The following TNC variants were observed in gnomAD, a reference collection of about 807,000 sequenced individuals.
TNC encodes tenascin.
A neutral mutation model predicts 202.4 loss-of-function variants in TNC; 109 were observed. That is an observed-to-expected ratio of 0.54 (90% confidence interval 0.46 to 0.63). The LOEUF is 0.63. TNC is among the 30% of genes least tolerant of loss of function. The probability of loss-of-function intolerance (pLI) is 0.00; values close to 1 mark genes in which losing one functional copy is unlikely to be tolerated. For synonymous variants in TNC, 1,007 were observed against 1,089.7 expected, an observed-to-expected ratio of 0.92 and a Z score of 1.50; for missense variants, 2,756 against 2,833.3, an observed-to-expected ratio of 0.97 and a Z score of 0.62.
At chr9:115,067,616 C>T (rs914364397) in intron 10 of TNC, among the ~76,000 whole-genome samples, 4 of 152,110 alleles carry the variant, frequency 2.6e-5, no homozygotes, top group Non-Finnish European at 4.4e-5. Flanking sequence ...AAAAGATGCA[C>T]GTTGGAAAAT....
At chr9:115,029,035 GAAAAAAAAAAA>G (rs71375266) in intron 25 of TNC, among the ~76,000 whole-genome samples, 23 of 71,214 alleles carry the variant, frequency 3.2e-4, no homozygotes, top group Non-Finnish European at 5.8e-4. Context: ...ATTATCTCTG[GAAAAAAAAAAA>G]AAAAAAAAAG....
intron 26 of TNC, among the ~76,000 whole-genome samples, chr9:115,025,187 A>T (rs919419924): frequency 6.6e-6 from 1 of 152,246 alleles, no homozygotes; most frequent in Admixed American, 6.5e-5. Flanking sequence ...CTGCTGCTTA[A>T]TGAATTTGCT....
In TNC at chr9:115,041,020, A is replaced by G. The variant is rs1224349645; in HGVS notation, c.5313T>C (p.Pro1771=). ...TGATGCTGACAAGGTACTCCACGCCAGGTATGAGTTTCACCAGCCTGGTCT... is the reference window on the plus strand; with the variant it reads ...TGATGCTGACAAGGTACTCCACGCCGGGTATGAGTTTCACCAGCCTGGTCT... ...KTQTRLVKLI[P]GVEYLVSIIA... is the part of the protein sequence containing the mutation. Residue 1771 remains proline (P), a synonymous_variant, in exon 19 of 28, where the codon CCT becomes CCC. Coordinates refer to ENST00000350763, the MANE Select transcript of TNC (RefSeq NM_002160.4). 1.2e-6 allele frequency: 2 copies of G among 1,614,160 alleles called. No individual in the cohort carries two copies. The highest frequency in any genetic ancestry group is 2.2e-5 in the East Asian group (1 of 44,872).
Position 115,041,081 on chromosome 9 carries a change from G to A in TNC, c.5252C>T (p.Thr1751Ile). 3 of 1,612,566 alleles carry A rather than the reference G, an allele frequency of 1.9e-6. No individual in the cohort carries two copies. Among genetic ancestry groups the A allele is most frequent in the East Asian group, 2.2e-5 (1 of 44,850 alleles). Residue 1751 changes from threonine (T) to isoleucine (I), a missense_variant, in exon 19 of 28, where the codon ACA (threonine) becomes ATA (isoleucine). By Grantham distance (89) the Thr-to-Ile change is moderately conservative (BLOSUM62 -1). Around this residue, in one of 2 missense-constraint regions of TNC, gnomAD observed 2,559 missense variants for 2,546.0 expected, o/e 1.01. Transcript: ENST00000350763. Reference protein sequence around the residue: ...RITYVPITGGTPSMVTVDGTK... With the variant: ...RITYVPITGGIPSMVTVDGTK... ...TCCGTCCACAGTTACCATGGAGGGT[G>A]TACCTGGAACACAGTAAAAGCAAGA...
At chr9:115,106,756 T>A (rs115720417) in intron 1 of TNC, among the ~76,000 whole-genome samples, 262 of 152,190 alleles carry the variant, frequency 1.7e-3, no homozygotes, top group African/African-American at 6.0e-3. Context: ...AAACGTGTGG[T>A]TTCCAAGAAA....
chr9:115,111,894 C>T (rs576666921), intron 1 of TNC, among the ~76,000 whole-genome samples: 2 of 152,162 alleles, frequency 1.3e-5, no homozygotes, highest in East Asian at 3.9e-4. Context: ...AATCATCCCC[C>T]AATTCAGCCT....
In TNC at chr9:115,073,702, C is replaced by T. The variant is rs984781050; in HGVS notation, c.3115G>A (p.Val1039Ile). 4 of 1,614,014 alleles carry T rather than the reference C, an allele frequency of 2.5e-6. No individual in the cohort carries two copies. The East Asian group carries it at 8.9e-5, about 36-fold the overall frequency. Residue 1039 changes from valine (V) to isoleucine (I), a missense_variant, in exon 10 of 28, where the codon GTC becomes ATC. Coordinates refer to ENST00000350763, the MANE Select transcript of TNC (RefSeq NM_002160.4). Reference sequence around the variant, plus strand: ...TGTCCTGGTTCCAGGCCTCTCAGGACATAGGAAGTGGTGTTTCTTGGAAGC... The same window carrying T: ...TGTCCTGGTTCCAGGCCTCTCAGGATATAGGAAGTGGTGTTTCTTGGAAGC... ...VQLPRNTTSY[V>I]LRGLEPGQEY... is the part of the protein sequence containing the mutation.
intron 2 of TNC, among the ~76,000 whole-genome samples, chr9:115,090,191 C>T (rs1230324687): frequency 6.6e-6 from 1 of 152,110 alleles, no homozygotes; most frequent in South Asian, 2.1e-4. Flanking sequence ...ACAGCAGTAC[C>T]TATCAGAGAG....
intron 1 of TNC, among the ~76,000 whole-genome samples, chr9:115,110,715 A>G (rs191207024): frequency 6.6e-6 from 1 of 152,224 alleles, no homozygotes; most frequent in Non-Finnish European, 1.5e-5. Context: ...CTTTAGAATA[A>G]AATACATTTG....
intron 22 of TNC, among the ~76,000 whole-genome samples, 182 bp from the exon 23 acceptor site, chr9:115,031,867 A>T (rs1829972543): frequency 6.6e-6 from 1 of 152,164 alleles, no homozygotes; most frequent in South Asian, 2.1e-4. Flanking sequence ...AGAGATGGGG[A>T]GAGTACAGCA....
chr9:115,105,028 A>G (rs1312214779), intron 1 of TNC, among the ~76,000 whole-genome samples: 1 of 152,228 alleles, frequency 6.6e-6, no homozygotes. Flanking sequence ...ATGTGCTAAT[A>G]TTCAAATGAA....
rs927533165 is a variant in TNC, at chr9:115,020,046, CTT to C, written c.*1109_*1110del. ...AAGTTGTAAGCTTTTTTTTTCTTTTCTTTTTTTATTTAGAGACAGGGTCTCCC... is the reference window on the plus strand; with the variant it reads ...AAGTTGTAAGCTTTTTTTTTCTTTTCTTTTTATTTAGAGACAGGGTCTCCC... On this transcript the variant is annotated 3_prime_UTR_variant, in exon 28 of 28. Transcript: ENST00000350763. 1 of 150,470 alleles carries C rather than the reference CTT, an allele frequency of 6.6e-6. No homozygotes were observed. The highest frequency in any genetic ancestry group is 2.4e-5 in the African/African-American group (1 of 40,894). The allele number at this position is 150,470 out of a possible 1,614,324, so 9.3% of individuals were successfully genotyped here.
At chr9:115,047,144 A>C (rs924489991) in intron 16 of TNC, among the ~76,000 whole-genome samples, 1 of 150,852 alleles carries the variant, frequency 6.6e-6, no homozygotes, top group Non-Finnish European at 1.5e-5. Flanking sequence ...TGCTGATTAC[A>C]TTCTCCTTGA....
At chr9:115,051,320 C>CT (rs1831634433) in intron 15 of TNC, among the ~76,000 whole-genome samples, 1 of 152,022 alleles carries the variant, frequency 6.6e-6, no homozygotes, top group Admixed American at 6.6e-5. Flanking sequence ...CCGATCACAT[C>CT]TAAAAAAACC....
In TNC at chr9:115,086,707, C is replaced by G. The variant is rs147397103; in HGVS notation, c.1024G>C (p.Gly342Arg). ...CEEGFTGEDC[G>R]KPTCPHACHT... ...CAGGCATGTGGGCAGGTGGGTTTCC[C>G]GCAGTCTTCACCTGTGAAGCCTTCT... The change falls in exon 3 of 28, where the codon GGG (glycine) becomes CGG (arginine). Residue 342 changes from glycine (G) to arginine (R), a missense_variant. This residue lies in a region of TNC where 2,559 missense variants were observed against 2,546.0 expected (regional missense o/e 1.01). Transcript: ENST00000350763. 1 of 1,613,954 alleles carries G rather than the reference C, an allele frequency of 6.2e-7. No homozygotes were observed. Among genetic ancestry groups the G allele is most frequent in the Non-Finnish European group, 8.5e-7 (1 of 1,180,046 alleles).
At chr9:115,021,352 T>C in intron 27 of TNC, 85 bp from the exon 28 acceptor site, 1 of 884,246 alleles carries the variant, frequency 1.1e-6, no homozygotes, top group Non-Finnish European at 1.8e-6. Context: ...CACTGATCAT[T>C]GCTATTTAGT....
rs774048270 is a variant in TNC, at chr9:115,073,694, T to C, written c.3123A>G (p.Arg1041=). ...LPRNTTSYVL[R]GLEPGQEYNV... ...TGTACTCCTGTCCTGGTTCCAGGCC[T>C]CTCAGGACATAGGAAGTGGTGTTTC... Residue 1041 remains arginine, a synonymous_variant, in exon 10 of 28, where the codon AGA becomes AGG. Transcript: ENST00000350763. The C allele has an allele frequency of 6.8e-6, 11 of 1,614,130 alleles. No individual in the cohort carries two copies. The South Asian group carries it at 1.2e-4, about 18-fold the overall frequency.
Position 115,073,793 on chromosome 9 carries a change from C to A in TNC, c.3024G>T (p.Pro1008=), listed in dbSNP as rs745550405. Residue 1008 remains proline, a synonymous_variant, in exon 10 of 28, where the codon CCG becomes CCT. Coordinates refer to ENST00000350763, the MANE Select transcript of TNC (RefSeq NM_002160.4). The stretch of plus-strand genomic sequence containing the variant: ...GGCGGTAGCGGTCAAATTTGGCCAA[C>A]GGTGTCTTCCAGAGCAGGGTCAGGC... The part of the protein sequence containing the change: ...ETSLTLLWKT[P]LAKFDRYRLN... 1 of 1,614,052 alleles carries A rather than the reference C, an allele frequency of 6.2e-7. No homozygotes were observed. Among genetic ancestry groups the A allele is most frequent in the South Asian group, 1.1e-5 (1 of 91,074 alleles).
intron 1 of TNC, among the ~76,000 whole-genome samples, chr9:115,093,145 A>G (rs1025401892): frequency 1.3e-5 from 2 of 152,300 alleles, no homozygotes; most frequent in African/African-American, 4.8e-5. Flanking sequence ...TGTGGCAAGG[A>G]AAATTGAACT....
Sources: allele counts gnomAD v4.1 joint callset (sites outside exome capture counted in the v4.1 genomes callset), GRCh38; gene constraint gnomAD v4.1.1; regional missense constraint gnomAD v4.1.1; transcripts MANE v1.5; gene names NCBI Gene and HGNC (gene_info 2026-07-23, HGNC 2026-07-21).